Variants in UBTD2 observed in about 807,000 individuals in gnomAD.
UBTD2 encodes ubiquitin domain containing 2, also known as ubiquitin domain-containing protein 2.
UBTD2 carries 9 observed loss-of-function variants against 19.8 expected under a neutral mutation model. The observed-to-expected ratio is 0.46, with a 90% CI of 0.27 to 0.79. The LOEUF is 0.79. UBTD2 is among the 30% of genes least tolerant of loss of function. The pLI is 0.14. For missense variants in UBTD2, 250 were observed against 300.4 expected (o/e 0.83, Z 1.24); for synonymous variants, 98 against 103.9 (o/e 0.94, Z 0.35).
chr5:172,212,274 C>T, intron 2 of UBTD2, 47 bp from the exon 3 acceptor site: 1 of 1,529,240 alleles, frequency 6.5e-7, no homozygotes, highest in Non-Finnish European at 8.8e-7. Flanking sequence ...TTAATGAATG[C>T]ATTTTTGTTT....
intron 2 of UBTD2, among the ~76,000 whole-genome samples, chr5:172,216,188 C>T (rs141638291): frequency 7.5e-4 from 114 of 151,340 alleles, no homozygotes; most frequent in Non-Finnish European, 1.0e-3. Context: ...AACAAATAAA[C>T]AACAACTACA....
At chr5:172,213,333 C>T (rs1004992719) in intron 2 of UBTD2, among the ~76,000 whole-genome samples, 1 of 152,192 alleles carries the variant, frequency 6.6e-6, no homozygotes, top group Non-Finnish European at 1.5e-5. Flanking sequence ...GCAAGAAGTC[C>T]TTAGTCCAGA....
At chr5:172,255,400 C>A in intron 1 of UBTD2, 1 of 495,158 alleles carries the variant, frequency 2.0e-6, no homozygotes, top group Admixed American at 2.3e-5. Context: ...GTCCACGGGC[C>A]TCTTGCTTAA....
At chr5:172,260,290 TAA>T in intron 1 of UBTD2, among the ~76,000 whole-genome samples, 1 of 152,124 alleles carries the variant, frequency 6.6e-6, no homozygotes, top group African/African-American at 2.4e-5. Flanking sequence ...TACTCTCTCT[TAA>T]TGTTTTATCT....
At position 172,283,453 on chromosome 5, in the gene UBTD2, G is replaced by A. The variant is rs1216576273; in HGVS notation, c.70+143C>T. The A allele has an allele frequency of 1.6e-6, 1 of 619,204 alleles. No homozygotes were observed. Among genetic ancestry groups the A allele is most frequent in the Admixed American group, 4.6e-5 (1 of 21,578 alleles). 38.4% of individuals were successfully genotyped at this position (619,204 alleles called of 1,614,324 possible). On this transcript the variant is annotated intron_variant, in intron 1 of 2. Coordinates refer to ENST00000393792, the MANE Select transcript of UBTD2 (RefSeq NM_152277.3). The surrounding 1 kb of genome is among the most constrained non-coding windows in gnomAD (Gnocchi z 4.3). ...GACCCCCGCGGCTGGCAGGACAGCC[G>A]GAAGCGGAGCGCGGGGAATGACGTG...
At chr5:172,269,358 G>T (rs1755439530) in intron 1 of UBTD2, among the ~76,000 whole-genome samples, 1 of 151,882 alleles carries the variant, frequency 6.6e-6, no homozygotes, top group Non-Finnish European at 1.5e-5. Context: ...GGCAGTAGTG[G>T]TGTGCGCCTG....
chr5:172,267,597 A>G (rs918794338), intron 1 of UBTD2, among the ~76,000 whole-genome samples: 1 of 152,236 alleles, frequency 6.6e-6, no homozygotes, highest in African/African-American at 2.4e-5. Context: ...ACTGCTTGAC[A>G]TGACGTGTTT....
At chr5:172,245,533 G>A (rs1398797797) in intron 1 of UBTD2, among the ~76,000 whole-genome samples, 1 of 152,144 alleles carries the variant, frequency 6.6e-6, no homozygotes, top group Non-Finnish European at 1.5e-5. Context: ...GCAACATGGT[G>A]AAACCTCACC....
intron 1 of UBTD2, among the ~76,000 whole-genome samples, chr5:172,251,412 C>T (rs1038728710): frequency 5.3e-5 from 7 of 133,162 alleles, no homozygotes; most frequent in African/African-American, 2.0e-4. Context: ...CTATAGTGTC[C>T]AATCATATTC....
chr5:172,274,946 G>C (rs1054001689), intron 1 of UBTD2, among the ~76,000 whole-genome samples: 5 of 152,188 alleles, frequency 3.3e-5, no homozygotes, highest in South Asian at 4.1e-4. Context: ...TGAGGCAGGA[G>C]AATGGCATGA....
intron 1 of UBTD2, among the ~76,000 whole-genome samples, chr5:172,245,891 C>T (rs2113046159): frequency 6.6e-6 from 1 of 152,288 alleles, no homozygotes; most frequent in Admixed American, 6.5e-5. Context: ...GGATTGATTG[C>T]CTGCTGAAAC....
At chr5:172,271,541 C>A (rs1173018474) in intron 1 of UBTD2, among the ~76,000 whole-genome samples, 1 of 152,000 alleles carries the variant, frequency 6.6e-6, no homozygotes, top group Non-Finnish European at 1.5e-5. Flanking sequence ...GCTCTAGAGA[C>A]TTTTTAAATT....
intron 1 of UBTD2, among the ~76,000 whole-genome samples, chr5:172,235,749 C>G (rs545896262): frequency 3.0e-4 from 45 of 152,184 alleles, no homozygotes; most frequent in African/African-American, 9.2e-4. Flanking sequence ...CAGAGCCATT[C>G]TTATTTATGG....
chr5:172,223,925 G>T (rs139786384), intron 2 of UBTD2, among the ~76,000 whole-genome samples: 39 of 152,228 alleles, frequency 2.6e-4, no homozygotes, highest in African/African-American at 9.2e-4. Flanking sequence ...ATCACAAGGA[G>T]CAAGAAACCA....
chr5:172,258,565 G>A (rs558084231), intron 1 of UBTD2, among the ~76,000 whole-genome samples: 49 of 152,328 alleles, frequency 3.2e-4, no homozygotes, highest in African/African-American at 1.2e-3. Flanking sequence ...GCCTTGGGCT[G>A]TATGCCCATC....
intron 2 of UBTD2, among the ~76,000 whole-genome samples, chr5:172,224,394 C>G (rs1771720015): frequency 6.6e-6 from 1 of 150,662 alleles, no homozygotes; most frequent in African/African-American, 2.4e-5. Context: ...CCACCTCCCA[C>G]GTTCAAGCAA....
chr5:172,248,847 G>A (rs1754933924), intron 1 of UBTD2, among the ~76,000 whole-genome samples: 2 of 151,538 alleles, frequency 1.3e-5, no homozygotes. Context: ...GCCGAGGCTG[G>A]AAGATCACTT....
At chr5:172,221,069 AAAC>A (rs779470651) in intron 2 of UBTD2, among the ~76,000 whole-genome samples, 1 of 152,260 alleles carries the variant, frequency 6.6e-6, no homozygotes, top group Non-Finnish European at 1.5e-5. Flanking sequence ...ATAAGATATG[AAAC>A]AACAACAACA....
chr5:172,246,806 C>T (rs1340993784), intron 1 of UBTD2, among the ~76,000 whole-genome samples: 1 of 132,472 alleles, frequency 7.5e-6, no homozygotes, highest in Non-Finnish European at 1.5e-5. Context: ...CTCTGTCACC[C>T]AGGCTGGAGT....
Sources: allele counts gnomAD v4.1 joint callset (sites outside exome capture counted in the v4.1 genomes callset), GRCh38; gene constraint gnomAD v4.1.1; non-coding constraint Gnocchi (gnomAD v3.1); transcripts MANE v1.5; gene names NCBI Gene and HGNC (gene_info 2026-07-23, HGNC 2026-07-21).